ATAD5: variants seen among roughly 807,000 people sequenced by gnomAD.
The protein encoded by ATAD5 is ATPase family AAA domain containing 5, also known as ATPase family AAA domain-containing protein 5.
Under a neutral mutation model 176.9 loss-of-function variants are expected in ATAD5, and 58 were observed. The ratio of observed to expected loss-of-function variants is 0.33; its 90% CI spans 0.27 to 0.41. The LOEUF is 0.41. Among genes scored for constraint, ATAD5 ranks in the 10% least tolerant of loss-of-function variants. The pLI is 1.00. For missense variants in ATAD5, 1,789 were observed against 2,094.1 expected (o/e 0.85, Z 2.84); for synonymous variants, 640 against 712.6 (o/e 0.90, Z 1.62).
At chr17:30,841,098 C>T (rs1906085178) in intron 4 of ATAD5, among the ~76,000 whole-genome samples, 1 of 151,980 alleles carries the variant, frequency 6.6e-6, no homozygotes, top group Non-Finnish European at 1.5e-5. Context: ...CAACTTCTGC[C>T]TCCTGGGTTC....
intron 16 of ATAD5, 59 bp from the exon 17 acceptor site, chr17:30,877,944 T>G: frequency 4.3e-6 from 5 of 1,170,478 alleles, no homozygotes; most frequent in Non-Finnish European, 6.2e-6. Context: ...ATATTTACTA[T>G]GTATACATAA....
intron 5 of ATAD5, 28 bp from the exon 6 acceptor site, chr17:30,844,807 T>A (rs2142328033): frequency 1.3e-5 from 15 of 1,157,052 alleles, no homozygotes; most frequent in East Asian, 2.6e-5. Flanking sequence ...TAAACATTGA[T>A]ACTAACCCAA....
intron 14 of ATAD5, chr17:30,869,922 C>A: frequency 3.2e-6 from 1 of 313,884 alleles, no homozygotes; most frequent in Non-Finnish European, 5.8e-6. Context: ...CCAGCCTAAG[C>A]AGCATAGCGA....
intron 10 of ATAD5, among the ~76,000 whole-genome samples, chr17:30,863,392 A>C (rs148608561): frequency 2.8e-5 from 4 of 145,294 alleles, no homozygotes; most frequent in African/African-American, 1.0e-4. Flanking sequence ...TTTGAGACAG[A>C]GTCTCACTCT....
At chr17:30,851,879 G>T (rs1015548559) in intron 6 of ATAD5, among the ~76,000 whole-genome samples, 4 of 152,108 alleles carry the variant, frequency 2.6e-5, no homozygotes, top group Non-Finnish European at 5.9e-5. Context: ...ATCTTGCCTG[G>T]CCTCTTTTGC....
chr17:30,889,054 T>C (rs550747210), intron 19 of ATAD5, among the ~76,000 whole-genome samples: 75 of 142,406 alleles, frequency 5.3e-4, no homozygotes, highest in African/African-American at 1.6e-3. Flanking sequence ...AGTGAGACTC[T>C]GTCTCAAAAA....
rs1907569855 is a variant in ATAD5 at position 30,860,573 on chromosome 17, A to G, written c.3097A>G (p.Arg1033Gly). The G allele has an allele frequency of 2.5e-6, 4 of 1,583,480 alleles. No homozygotes were observed. Among genetic ancestry groups the G allele is most frequent in the Non-Finnish European group, 3.4e-6 (4 of 1,173,044 alleles). Reference sequence around the variant, plus strand: ...TAGGAAGTCAGAAGAACTTAGCAAAAGAAACAACTCTTCTGGGATAAAGCT... The same window carrying G: ...TAGGAAGTCAGAAGAACTTAGCAAAGGAAACAACTCTTCTGGGATAAAGCT... ...TNRKSEELSK[R>G]NNSSGIKLDS... is the part of the protein sequence containing the mutation. Residue 1033 changes from arginine (R) to glycine (G), a missense_variant, in exon 10 of 23, where the codon AGA becomes GGA. Physicochemically the swap from Arg to Gly is moderately radical, Grantham distance 125 (BLOSUM62 -2). Transcript: ENST00000321990.
chr17:30,842,559 T>G (rs1455724173), intron 4 of ATAD5, among the ~76,000 whole-genome samples: 1 of 152,186 alleles, frequency 6.6e-6, no homozygotes, highest in African/African-American at 2.4e-5. Context: ...TCACATATGG[T>G]AAGTGCTCGG....
chr17:30,858,567 G>A (rs1319675430), intron 9 of ATAD5, among the ~76,000 whole-genome samples: 2 of 151,874 alleles, frequency 1.3e-5, no homozygotes, highest in Non-Finnish European at 1.5e-5. Flanking sequence ...TGTATTTTTA[G>A]TAGAGATGGG....
In ATAD5 at chr17:30,895,405, CT is replaced by C. The variant is rs71274248; in HGVS notation, c.*509del. On this transcript the variant is annotated 3_prime_UTR_variant, in exon 23 of 23. Transcript: ENST00000321990. ...CATATTGTACAGTTTTTTTTGTGTG[CT>C]TTTTTTTTTTTTTTTTGAGACGGAA... The C allele has an allele frequency of 1.9e-3, 242 of 129,136 alleles. No individual in the cohort carries two copies. The highest frequency in any genetic ancestry group is 6.8e-3 in the East Asian group (31 of 4,544). The allele number at this position is 129,136 out of a possible 1,614,324, so 8.0% of individuals were successfully genotyped here. A position where few individuals can be genotyped will look rare whatever the true frequency, so the allele number is the denominator to read the frequency against.
At position 30,881,918 on chromosome 17, in the gene ATAD5, C is replaced by A. The variant is rs183405170; in HGVS notation, c.4077+2431C>A. Among the ~76,000 whole-genome samples the A allele has an allele frequency of 4.3e-3, 643 of 150,480 alleles. 4 individuals are homozygous for A. Among genetic ancestry groups the A allele is most frequent in the South Asian group, 7.6e-3 (36 of 4,752 alleles). Reference sequence around the variant, plus strand: ...ACAGAGCAAGACCCTGTCCCCCCCCCAAAAAAATAATTGTTTCTTTTAAAT... The same window carrying A: ...ACAGAGCAAGACCCTGTCCCCCCCCAAAAAAAATAATTGTTTCTTTTAAAT... On this transcript the variant is annotated intron_variant, in intron 18 of 22. Transcript: ENST00000321990.
At chr17:30,853,036 C>T (rs1421521426) in intron 6 of ATAD5, among the ~76,000 whole-genome samples, 1 of 151,752 alleles carries the variant, frequency 6.6e-6, no homozygotes, top group Non-Finnish European at 1.5e-5. Context: ...ATTACAGGCG[C>T]CTGCCACCAC....
At chr17:30,849,314 C>T (rs1419856485) in intron 6 of ATAD5, among the ~76,000 whole-genome samples, 1 of 152,124 alleles carries the variant, frequency 6.6e-6, no homozygotes, top group Admixed American at 6.6e-5. Context: ...TCAGCCTGGC[C>T]TTGAACTCCT....
chr17:30,894,687 T>G lies in ATAD5; in HGVS notation c.5421T>G (p.Thr1807=). 6.2e-7 allele frequency: 1 copy of G among 1,611,434 alleles called. No individual in the cohort carries two copies. The highest frequency in any genetic ancestry group is 8.5e-7 in the Non-Finnish European group (1 of 1,179,082). Residue 1807 remains threonine (T), a synonymous_variant, in exon 22 of 23, where the codon ACT becomes ACG. Coordinates refer to ENST00000321990, the MANE Select transcript of ATAD5 (RefSeq NM_024857.5). ...YLPTLRNICK[T]EKLKEQGKSK... is the part of the protein sequence containing the mutation. Reference sequence around the variant, plus strand: ...CAACCCTTCGAAACATCTGTAAGACTGAGAAGCTAAAAGAACAAGGAAAAA... The same window carrying G: ...CAACCCTTCGAAACATCTGTAAGACGGAGAAGCTAAAAGAACAAGGAAAAA...
chr17:30,879,708 G>A (rs1239508002), intron 18 of ATAD5, among the ~76,000 whole-genome samples: 1 of 151,798 alleles, frequency 6.6e-6, no homozygotes, highest in Non-Finnish European at 1.5e-5. Context: ...GACTACAGGC[G>A]CCTGCCACCA....
intron 14 of ATAD5, among the ~76,000 whole-genome samples, chr17:30,872,834 G>C (rs1275258119): frequency 6.6e-6 from 1 of 152,120 alleles, no homozygotes; most frequent in African/African-American, 2.4e-5. Flanking sequence ...GGGATTACAG[G>C]CATGAGCTAC....
chr17:30,882,081 AC>A (rs1202863025), intron 18 of ATAD5, among the ~76,000 whole-genome samples: 1 of 151,146 alleles, frequency 6.6e-6, no homozygotes, highest in Admixed American at 6.6e-5. Context: ...ACATTGAGAA[AC>A]CCCGTGTCTA....
intron 7 of ATAD5, among the ~76,000 whole-genome samples, chr17:30,855,703 A>G (rs1907257923): frequency 6.6e-6 from 1 of 152,010 alleles, no homozygotes; most frequent in Admixed American, 6.6e-5. Context: ...TAATTAATTA[A>G]TTAAAATTTG....
intron 19 of ATAD5, 109 bp from the exon 20 acceptor site, chr17:30,892,498 A>C (rs1909692210): frequency 1.6e-6 from 1 of 610,338 alleles, no homozygotes; most frequent in Non-Finnish European, 2.6e-6. Flanking sequence ...TAGAGAACTA[A>C]ATGGGGGTAT....
Sources: gnomAD v4.1 joint callset for allele counts (sites outside exome capture counted in the v4.1 genomes callset) on GRCh38, gnomAD v4.1.1 for gene constraint, MANE v1.5 for transcripts, NCBI Gene and HGNC (gene_info 2026-07-23, HGNC 2026-07-21) for gene names.